ZMYM2: variants seen among roughly 807,000 people sequenced by gnomAD.
ZMYM2 encodes the protein zinc finger MYM-type containing 2.
Under a neutral mutation model 162.8 loss-of-function variants are expected in ZMYM2, and 56 were observed. That is an observed-to-expected ratio of 0.34 (90% CI 0.28 to 0.43). The LOEUF (loss-of-function observed/expected upper bound fraction) is 0.43, where lower values mean the gene tolerates loss of function less well. Among genes scored for constraint, ZMYM2 ranks in the 20% least tolerant of loss-of-function variants. The probability of loss-of-function intolerance (pLI) is 1.00; values close to 1 mark genes in which losing one functional copy is unlikely to be tolerated. For missense variants in ZMYM2, 1,275 were observed against 1,621.8 expected (o/e 0.79, Z 3.67); for synonymous variants, 510 against 541.6 (o/e 0.94, Z 0.81).
the ZMYM2 span, among the ~76,000 whole-genome samples, chr13:19,882,183 A>T: frequency 1.9e-4 from 29 of 152,286 alleles, no homozygotes; most frequent in Non-Finnish European, 3.8e-4. Flanking sequence ...ATCAGACTTC[A>T]TCAATATTAA....
chr13:20,072,759 G>T (rs1489075133), intron 21 of ZMYM2, among the ~76,000 whole-genome samples: 1 of 151,926 alleles, frequency 6.6e-6, no homozygotes, highest in African/African-American at 2.4e-5. Context: ...TAGATTTCCT[G>T]TTTCTTCTTG....
rs956008551 is a variant in ZMYM2, at chr13:20,061,321, A to G, written c.2911+97A>G. ...TTCCAGGGCATATCATTTTGTTTCA[A>G]CTTATGTGGGGGTGAGGAAAGCATT... On this transcript the variant is annotated intron_variant, in intron 17 of 24. Transcript: ENST00000610343. 1.4e-5 allele frequency: 19 copies of G among 1,353,542 alleles called. No individual in the cohort carries two copies. The East Asian group carries it at 1.5e-4, about 11-fold the overall frequency. The allele number at this position is 1,353,542 out of a possible 1,614,324, so 83.8% of individuals were successfully genotyped here. A position where few individuals can be genotyped will look rare whatever the true frequency, so the allele number is the denominator to read the frequency against.
chr13:19,945,286 C>T, the ZMYM2 span, among the ~76,000 whole-genome samples: 12 of 152,238 alleles, frequency 7.9e-5, no homozygotes, highest in East Asian at 2.3e-3. Flanking sequence ...GAATCTCACT[C>T]TGTCACCCAG....
chr13:19,910,039 C>T, the ZMYM2 span, among the ~76,000 whole-genome samples: 53 of 131,688 alleles, frequency 4.0e-4, no homozygotes, highest in Admixed American at 1.6e-3. Flanking sequence ...CATGGTGAAA[C>T]CCCCATCTCT....
chr13:19,981,359 T>C (rs1191808024), intron 2 of ZMYM2, among the ~76,000 whole-genome samples: 2 of 152,186 alleles, frequency 1.3e-5, no homozygotes, highest in Non-Finnish European at 2.9e-5. Flanking sequence ...TTTAATTAAT[T>C]GCAGTGATTT....
intron 12 of ZMYM2, among the ~76,000 whole-genome samples, chr13:20,040,169 CTCT>C (rs1330147016): frequency 1.3e-5 from 2 of 152,288 alleles, no homozygotes; most frequent in East Asian, 3.9e-4. Flanking sequence ...ATGATACCAG[CTCT>C]TCTTTGTACA....
chr13:19,939,322 C>A, the ZMYM2 span, among the ~76,000 whole-genome samples: 1 of 151,794 alleles, frequency 6.6e-6, no homozygotes, highest in Non-Finnish European at 1.5e-5. Context: ...CCGCACCCAG[C>A]CGTAATTTTG....
chr13:20,042,170 C>T (rs945758560), intron 12 of ZMYM2, among the ~76,000 whole-genome samples: 2 of 152,274 alleles, frequency 1.3e-5, no homozygotes, highest in African/African-American at 4.8e-5. Flanking sequence ...TGCTTATACT[C>T]TCCCCATCTC....
chr13:19,958,594 G>T (rs1003571658), upstream of ZMYM2: 2 of 152,002 alleles, frequency 1.3e-5, no homozygotes, highest in Non-Finnish European at 2.9e-5. Context: ...CTACCGAGGG[G>T]GGGCCCTGAA....
At chr13:20,077,604 GTACA>G (rs1422322964) in intron 21 of ZMYM2, among the ~76,000 whole-genome samples, 2 of 141,382 alleles carry the variant, frequency 1.4e-5, no homozygotes, top group African/African-American at 6.4e-5. Context: ...GAGTTTTGAA[GTACA>G]TATAGAAATT....
At chr13:19,890,504 G>GAAAAAAAAAA in the ZMYM2 span, among the ~76,000 whole-genome samples, 1 of 4,968 alleles carries the variant, frequency 2.0e-4, no homozygotes, top group African/African-American at 3.3e-4. Flanking sequence ...TAGTGCTTTT[G>GAAAAAAAAAA]TAAAAAAAAA....
chr13:19,935,879 G>A, the ZMYM2 span, among the ~76,000 whole-genome samples: 1 of 152,130 alleles, frequency 6.6e-6, no homozygotes, highest in East Asian at 1.9e-4. Context: ...CTCTTAGAGT[G>A]GATAAGCAAA....
the ZMYM2 span, among the ~76,000 whole-genome samples, chr13:19,873,074 T>C: frequency 6.6e-6 from 1 of 151,942 alleles, no homozygotes; most frequent in South Asian, 2.1e-4. Context: ...GCATAATGTC[T>C]CTTTATCTTT....
chr13:20,010,208 A>AT (rs1245815076), intron 6 of ZMYM2, among the ~76,000 whole-genome samples: 1 of 151,538 alleles, frequency 6.6e-6, no homozygotes, highest in Non-Finnish European at 1.5e-5. Flanking sequence ...TGTTTTTTTT[A>AT]TTTTTGAGAC....
chr13:19,915,020 C>A, the ZMYM2 span, among the ~76,000 whole-genome samples: 1 of 152,184 alleles, frequency 6.6e-6, no homozygotes, highest in African/African-American at 2.4e-5. Flanking sequence ...CTCACTATTA[C>A]CCCTTGTGAT....
intron 3 of ZMYM2, among the ~76,000 whole-genome samples, chr13:19,994,282 A>T (rs1047409649): frequency 7.9e-5 from 12 of 152,194 alleles, no homozygotes; most frequent in Admixed American, 5.2e-4. Context: ...GGAGTTCGAG[A>T]CCAGTCTAGG....
rs754734482 is a variant in ZMYM2 at position 20,082,136 on chromosome 13, G to A, written c.3568+6G>A. The A allele has an allele frequency of 1.9e-6, 3 of 1,580,494 alleles. No individual in the cohort carries two copies. The highest frequency in any genetic ancestry group is 4.5e-5 in the East Asian group (2 of 44,150). On this transcript the variant is annotated splice_donor_region_variant and intron_variant, in intron 22 of 24. Coordinates refer to ENST00000610343, the MANE Select transcript of ZMYM2 (RefSeq NM_197968.4). ...ACCAAGCATACTTCCAGATGGTAAT[G>A]CTATTTTCACTAAAGGTGTTGCTCT...
At chr13:19,867,994 C>T in the ZMYM2 span, among the ~76,000 whole-genome samples, 15,201 of 152,230 alleles carry the variant, frequency 0.1, 906 homozygotes, top group African/African-American at 0.17. Context: ...TGGCCACTGC[C>T]GTTGCTCACC....
intron 2 of ZMYM2, among the ~76,000 whole-genome samples, chr13:19,973,374 A>G (rs1956494186): frequency 6.6e-6 from 1 of 152,122 alleles, no homozygotes; most frequent in Non-Finnish European, 1.5e-5. Flanking sequence ...AAACTATAAA[A>G]CAGTACCATA....
Sources: allele counts gnomAD v4.1 joint callset (sites outside exome capture counted in the v4.1 genomes callset), GRCh38; gene constraint gnomAD v4.1.1; transcripts MANE v1.5; gene names NCBI Gene and HGNC (gene_info 2026-07-23, HGNC 2026-07-21).